Variants in ADAMTSL1 observed in about 807,000 individuals in gnomAD.
The protein encoded by ADAMTSL1 is ADAMTS like 1.
Under a neutral mutation model 201.8 loss-of-function variants are expected in ADAMTSL1, and 126 were observed. The observed-to-expected ratio is 0.62, with a 90% CI of 0.54 to 0.72. ADAMTSL1 has a LOEUF of 0.72. Ranked by LOEUF, ADAMTSL1 falls within the 30% of genes least tolerant of loss-of-function variation. The pLI is 0.00. For synonymous variants in ADAMTSL1, 1,121 were observed against 903.4 expected (o/e 1.24, Z -4.32); for missense variants, 2,679 against 2,277.8 (o/e 1.18, Z -3.59).
chr9:18,340,168 C>A (rs1028281577), intron 2 of ADAMTSL1, among the ~76,000 whole-genome samples: 1 of 152,146 alleles, frequency 6.6e-6, no homozygotes, highest in Non-Finnish European at 1.5e-5. Context: ...TATTCTTTAG[C>A]TTTATTCTGT....
rs375794167 is a variant in ADAMTSL1, at chr9:18,716,125, G to A, written c.1877-5411G>A. 2.6e-4 allele frequency among the ~76,000 whole-genome samples: 40 copies of A among 151,422 alleles called. No individual in the cohort carries two copies. In the East Asian group the frequency reaches 2.7e-3, roughly 10 times the overall value. On this transcript the variant is annotated intron_variant, in intron 14 of 28. Transcript: ENST00000380548. ...AGACTTAAACGTTAGACCTAAAACC[G>A]TAAAAACCCTAGAGGAAAACCTAGG...
At chr9:18,231,569 C>G (rs1171858855) in intron 2 of ADAMTSL1, among the ~76,000 whole-genome samples, 2 of 152,172 alleles carry the variant, frequency 1.3e-5, no homozygotes, top group Non-Finnish European at 2.9e-5. Context: ...TCTTTACTCT[C>G]CATGTTGTTA....
intron 2 of ADAMTSL1, 55 bp from the exon 3 acceptor site, chr9:18,533,192 C>A: frequency 1.3e-6 from 2 of 1,482,228 alleles, no homozygotes; most frequent in South Asian, 1.2e-5. Context: ...GAAAATATTT[C>A]TGATTTTGAG....
intron 2 of ADAMTSL1, among the ~76,000 whole-genome samples, chr9:18,236,110 T>C (rs796182448): frequency 3.9e-5 from 6 of 152,278 alleles, no homozygotes; most frequent in African/African-American, 1.4e-4. Context: ...ACCCAAAATC[T>C]ATCGGGCTGG....
intron 2 of ADAMTSL1, among the ~76,000 whole-genome samples, chr9:18,237,888 C>T (rs962090648): frequency 2.0e-5 from 3 of 152,200 alleles, no homozygotes; most frequent in African/African-American, 7.2e-5. Flanking sequence ...CTCTAAAAAT[C>T]ATGATTATTC....
At chr9:18,260,518 G>C (rs941165646) in intron 2 of ADAMTSL1, among the ~76,000 whole-genome samples, 1 of 152,166 alleles carries the variant, frequency 6.6e-6, no homozygotes, top group Non-Finnish European at 1.5e-5. Flanking sequence ...GATCCTCCAC[G>C]GTGCCTGCCC....
chr9:17,970,149 A>G (rs1214383218), intron 1 of ADAMTSL1, among the ~76,000 whole-genome samples: 2 of 151,954 alleles, frequency 1.3e-5, no homozygotes, highest in African/African-American at 4.8e-5. Flanking sequence ...CCTAGTTCCC[A>G]TTCTAGACCA....
chr9:18,350,999 G>A (rs886177688), intron 2 of ADAMTSL1, among the ~76,000 whole-genome samples: 1 of 152,106 alleles, frequency 6.6e-6, no homozygotes, highest in Non-Finnish European at 1.5e-5. Flanking sequence ...TAGCTATGGA[G>A]AAAACGAATT....
rs73644620 is a variant in ADAMTSL1, at chr9:18,609,385, C to A, written c.475-12858C>A. Among the ~76,000 whole-genome samples the A allele has an allele frequency of 7.1e-3, 835 of 117,646 alleles. 10 individuals are homozygous for A. Among genetic ancestry groups the A allele is most frequent in the African/African-American group, 0.026 (792 of 30,520 alleles). The allele number at this position is 117,646 out of a possible 152,430, so 77.2% of individuals were successfully genotyped here. On this transcript the variant is annotated intron_variant, in intron 4 of 28. Transcript: ENST00000380548. ...AGAGGTCATTTCCCAAAGAGCCAAC[C>A]ATGCTTGCTGGTATTCCATTGGCTA...
At position 18,834,684 on chromosome 9, in the gene ADAMTSL1, G is replaced by A. The variant is rs148865210; in HGVS notation, c.4249+4707G>A. Among the ~76,000 whole-genome samples the A allele has an allele frequency of 7.9e-3, 1,208 of 152,034 alleles. 16 individuals are homozygous for A. Among genetic ancestry groups the A allele is most frequent in the African/African-American group, 0.027 (1,119 of 41,506 alleles). Reference sequence around the variant, plus strand: ...GGTGAACACTGATCTGATTTATGTCGGGGTAAACTAGACTGCACTTTATAG... The same window carrying A: ...GGTGAACACTGATCTGATTTATGTCAGGGTAAACTAGACTGCACTTTATAG... On this transcript the variant is annotated intron_variant, in intron 23 of 28. Coordinates refer to ENST00000380548, the MANE Select transcript of ADAMTSL1 (RefSeq NM_001040272.6).
intron 2 of ADAMTSL1, among the ~76,000 whole-genome samples, chr9:18,375,411 A>G (rs1837244667): frequency 6.6e-6 from 1 of 152,144 alleles, no homozygotes; most frequent in South Asian, 2.1e-4. Flanking sequence ...TTTGGGCTTT[A>G]CCTGCCTTAG....
chr9:18,441,353 T>C (rs1246903809), intron 2 of ADAMTSL1, among the ~76,000 whole-genome samples: 2 of 152,194 alleles, frequency 1.3e-5, no homozygotes, highest in East Asian at 3.8e-4. Flanking sequence ...ACTGACTCCA[T>C]TCATTCTTCT....
chr9:18,027,973 T>C (rs1026843661), intron 1 of ADAMTSL1, among the ~76,000 whole-genome samples: 1 of 152,110 alleles, frequency 6.6e-6, no homozygotes, highest in African/African-American at 2.4e-5. Flanking sequence ...AATGACCTTC[T>C]TTGTTCTTTT....
chr9:17,998,152 A>G (rs905781925), intron 1 of ADAMTSL1, among the ~76,000 whole-genome samples: 4 of 152,120 alleles, frequency 2.6e-5, no homozygotes, highest in Non-Finnish European at 5.9e-5. Flanking sequence ...AAAAAGTGGA[A>G]GCAGACATGT....
chr9:18,367,326 G>A (rs1243977187), intron 2 of ADAMTSL1, among the ~76,000 whole-genome samples: 1 of 151,638 alleles, frequency 6.6e-6, no homozygotes, highest in Non-Finnish European at 1.5e-5. Context: ...TTAGTTACTG[G>A]AATTAAAATA....
At chr9:18,071,791 T>G (rs1822981537) in intron 1 of ADAMTSL1, among the ~76,000 whole-genome samples, 1 of 152,158 alleles carries the variant, frequency 6.6e-6, no homozygotes. Flanking sequence ...TTTGATGCGT[T>G]GTGTGTTCCA....
At chr9:18,784,771 C>A (rs1383095628) in intron 19 of ADAMTSL1, among the ~76,000 whole-genome samples, 1 of 152,192 alleles carries the variant, frequency 6.6e-6, no homozygotes, top group Non-Finnish European at 1.5e-5. Context: ...TTCATTTATC[C>A]TCACAATAAC....
intron 2 of ADAMTSL1, among the ~76,000 whole-genome samples, chr9:18,310,308 A>T (rs1834080530): frequency 6.8e-6 from 1 of 147,194 alleles, no homozygotes; most frequent in African/African-American, 2.5e-5. Context: ...CACCAAAGTA[A>T]TGGCAACAAA....
intron 2 of ADAMTSL1, among the ~76,000 whole-genome samples, chr9:18,420,006 G>C (rs10810966): frequency 0.39 from 58,589 of 151,966 alleles, 13,186 homozygotes; most frequent in East Asian, 0.87. Flanking sequence ...GGGATTACAG[G>C]TGTGAGCCAC....
Sources: allele counts gnomAD v4.1 joint callset (sites outside exome capture counted in the v4.1 genomes callset), GRCh38; gene constraint gnomAD v4.1.1; transcripts MANE v1.5; gene names NCBI Gene and HGNC (gene_info 2026-07-23, HGNC 2026-07-21).